The following TET1 variants were observed in gnomAD, a reference collection of about 807,000 sequenced individuals.
TET1 encodes the protein tet methylcytosine dioxygenase 1, also known as methylcytosine dioxygenase TET1.
In TET1, 13 loss-of-function variants were observed where a neutral mutation model predicts 148.7. That is an observed-to-expected ratio of 0.09 (90% confidence interval 0.06 to 0.14). The LOEUF (loss-of-function observed/expected upper bound fraction) is 0.14, where lower values mean the gene tolerates loss of function less well. Ranked by LOEUF, TET1 falls within the 10% of genes least tolerant of loss-of-function variation. The pLI is 1.00. For missense variants in TET1, 2,182 were observed against 2,553.8 expected, an observed-to-expected ratio of 0.85 and a Z score of 3.14; for synonymous variants, 907 against 937.2, an observed-to-expected ratio of 0.97 and a Z score of 0.59.
rs576335885 is a variant in TET1, at chr10:68,608,620, C to G, written c.1968+7586C>G. Among the ~76,000 whole-genome samples the G allele has an allele frequency of 5.3e-5, 8 of 152,134 alleles. No individual in the cohort carries two copies. In the East Asian group the frequency reaches 1.4e-3, roughly 26 times the overall value. ...TGTGATCTTGGCTCACTGCAACCTC[C>G]ACCTCCGGGGTTCAAGTGATTCTCC... is the stretch of plus-strand genomic sequence containing the variant. On this transcript the variant is annotated intron_variant, in intron 3 of 11. Coordinates refer to ENST00000373644, the MANE Select transcript of TET1 (RefSeq NM_030625.3).
intron 10 of TET1, among the ~76,000 whole-genome samples, chr10:68,685,257 AT>A (rs1012048561): frequency 5.9e-5 from 9 of 152,284 alleles, no homozygotes; most frequent in African/African-American, 2.2e-4. Context: ...AAAAAAATGA[AT>A]TTTTTTAACC....
intron 3 of TET1, among the ~76,000 whole-genome samples, chr10:68,611,848 G>A (rs1384184431): frequency 6.9e-6 from 1 of 144,140 alleles, no homozygotes; most frequent in East Asian, 2.0e-4. Context: ...AGGTGGGGGG[G>A]GTGGGGAGAG....
In TET1 at chr10:68,574,331, C is replaced by T; in HGVS notation, c.1914+79C>T. ...ATATGCAGAGACACTTCTAGTGTCTCTAGTGTCTCTATGTAATAGTGAATT... is the reference window on the plus strand; with the variant it reads ...ATATGCAGAGACACTTCTAGTGTCTTTAGTGTCTCTATGTAATAGTGAATT... On this transcript the variant is annotated intron_variant, in intron 2 of 11. Coordinates refer to ENST00000373644, the MANE Select transcript of TET1 (RefSeq NM_030625.3). 3 of 1,107,340 alleles carry T rather than the reference C, an allele frequency of 2.7e-6. 1 individual carries two copies. The highest frequency in any genetic ancestry group is 4.3e-4 in the Middle Eastern group (2 of 4,632). The allele number at this position is 1,107,340 out of a possible 1,614,324, so 68.6% of individuals were successfully genotyped here.
At chr10:68,643,571 A>T (rs928780510) in intron 3 of TET1, among the ~76,000 whole-genome samples, 1 of 152,124 alleles carries the variant, frequency 6.6e-6, no homozygotes, top group Non-Finnish European at 1.5e-5. Context: ...CTGTAATGCC[A>T]GCACTTTGGG....
Position 68,646,771 on chromosome 10 carries a change from G to C in TET1, c.4042G>C (p.Glu1348Gln), listed in dbSNP as rs2054856689. The C allele has an allele frequency of 1.9e-6, 3 of 1,614,156 alleles. No homozygotes were observed. Among genetic ancestry groups the C allele is most frequent in the Non-Finnish European group, 2.5e-6 (3 of 1,180,044 alleles). The change falls in exon 4 of 12, where the codon GAG (glutamate) becomes CAG (glutamine). Residue 1348 changes from glutamate (E) to glutamine (Q), a missense_variant. Glu to Gln is a conservative substitution (Grantham distance 29). Coordinates refer to ENST00000373644, the MANE Select transcript of TET1 (RefSeq NM_030625.3). ...TATCTCTCATGAAACACCCTTACCG[G>C]AGTCAGCACTAACTCTCAGGAATGT... is the stretch of plus-strand genomic sequence containing the variant. ...PGISHETPLP[E>Q]SALTLRNVNV...
intron 2 of TET1, among the ~76,000 whole-genome samples, chr10:68,591,128 T>A (rs867385437): frequency 3.9e-5 from 6 of 152,346 alleles, no homozygotes; most frequent in Admixed American, 3.9e-4. Flanking sequence ...GTGCTGGGAT[T>A]ACAGGCATGA....
intron 3 of TET1, among the ~76,000 whole-genome samples, chr10:68,638,765 TTGTGTGTGTGTGTGTGTG>T (rs59106736): frequency 9.9e-4 from 140 of 140,910 alleles, no homozygotes; most frequent in African/African-American, 3.2e-3. Context: ...TGTATGGAGT[TTGTGTGTGTGTGTGTGTG>T]TGTGTGTGTG....
At position 68,573,009 on chromosome 10, in the gene TET1, G is replaced by T; in HGVS notation, c.671G>T (p.Gly224Val). 6.2e-7 allele frequency: 1 copy of T among 1,614,148 alleles called. No homozygotes were observed. Among genetic ancestry groups the T allele is most frequent in the Non-Finnish European group, 8.5e-7 (1 of 1,180,040 alleles). The stretch of plus-strand genomic sequence containing the variant: ...GGGCCACTGGAAGGGACACGCTGTG[G>T]TGAAGGACTATTCTCTGAAGAGACA... ...LPGPLEGTRCGEGLFSEETLN... is the reference protein window; with the variant it reads ...LPGPLEGTRCVEGLFSEETLN... The change falls in exon 2 of 12, where the codon GGT becomes GTT. Residue 224 changes from glycine (G) to valine (V), a missense_variant. Gly to Val is a moderately radical substitution (Grantham distance 109). This residue lies in a region of TET1 where 665 missense variants were observed against 672.4 expected (regional missense o/e 0.99). Transcript: ENST00000373644.
intron 2 of TET1, among the ~76,000 whole-genome samples, chr10:68,591,712 C>G (rs1008355532): frequency 4.6e-5 from 7 of 152,032 alleles, no homozygotes; most frequent in Non-Finnish European, 7.4e-5. Context: ...AACATCCTGG[C>G]TAACACGGTG....
At chr10:68,593,944 G>GAGAC (rs1398935536) in intron 2 of TET1, among the ~76,000 whole-genome samples, 2 of 5,802 alleles carry the variant, frequency 3.4e-4, no homozygotes, top group Non-Finnish European at 8.6e-4. Context: ...TTTTTTTTTT[G>GAGAC]AGACAGAGTC....
rs201755303 is a variant in TET1 at position 68,626,261 on chromosome 10, T to TTTTGA, written c.1969-18433_1969-18432insATTTG. On this transcript the variant is annotated intron_variant, in intron 3 of 11. Coordinates refer to ENST00000373644, the MANE Select transcript of TET1 (RefSeq NM_030625.3). ...TCTTTACTCGTTTTTTTATTTTTTG[T>TTTTGA]TTTGTTTTGTTTTGTTTTGTTTGGA... Among the ~76,000 whole-genome samples the TTTTGA allele has an allele frequency of 4.4e-3, 670 of 151,586 alleles. 2 individuals carry two copies. Among genetic ancestry groups the TTTTGA allele is most frequent in the African/African-American group, 0.016 (641 of 41,274 alleles).
At chr10:68,660,368 T>G (rs1424729355) in intron 6 of TET1, among the ~76,000 whole-genome samples, 1 of 151,260 alleles carries the variant, frequency 6.6e-6, no homozygotes, top group Non-Finnish European at 1.5e-5. Context: ...AGATGGAATT[T>G]CACTCTTGTT....
chr10:68,618,192 A>G (rs1472982230), intron 3 of TET1, among the ~76,000 whole-genome samples: 2 of 152,186 alleles, frequency 1.3e-5, no homozygotes, highest in Non-Finnish European at 1.5e-5. Flanking sequence ...CACTCCACTC[A>G]TGAAATCTAG....
At chr10:68,636,534 A>T (rs1415331194) in intron 3 of TET1, among the ~76,000 whole-genome samples, 1 of 152,230 alleles carries the variant, frequency 6.6e-6, no homozygotes, top group Admixed American at 6.5e-5. Flanking sequence ...TAGCCTGGGC[A>T]ACAGAGTGAG....
At chr10:68,594,732 A>G (rs2053958343) in intron 2 of TET1, among the ~76,000 whole-genome samples, 1 of 152,120 alleles carries the variant, frequency 6.6e-6, no homozygotes, top group African/African-American at 2.4e-5. Context: ...TACTCCCTGC[A>G]CTTTGGGAGG....
chr10:68,636,986 T>TGTGTGTGC, intron 3 of TET1, among the ~76,000 whole-genome samples: 1 of 100,980 alleles, frequency 9.9e-6, no homozygotes, highest in Non-Finnish European at 2.2e-5. Context: ...ACTCGTTGTG[T>TGTGTGTGC]GTGTGTGTGT....
At chr10:68,661,635 C>G (rs1024012315) in intron 6 of TET1, among the ~76,000 whole-genome samples, 5 of 151,794 alleles carry the variant, frequency 3.3e-5, no homozygotes, top group African/African-American at 4.8e-5. Context: ...AGGCACTCAC[C>G]ACCATGCCAG....
intron 3 of TET1, among the ~76,000 whole-genome samples, chr10:68,625,571 A>G (rs2054465638): frequency 6.6e-6 from 1 of 152,214 alleles, no homozygotes; most frequent in African/African-American, 2.4e-5. Context: ...CAGTGTTCAC[A>G]TATCAGGAAA....
intron 2 of TET1, among the ~76,000 whole-genome samples, chr10:68,581,737 C>T (rs976354281): frequency 1.3e-5 from 2 of 151,558 alleles, no homozygotes; most frequent in Non-Finnish European, 2.9e-5. Flanking sequence ...ACCAGCTTCT[C>T]GGGAGGCTGA....
Sources: allele counts gnomAD v4.1 joint callset (sites outside exome capture counted in the v4.1 genomes callset), GRCh38; gene constraint gnomAD v4.1.1; regional missense constraint gnomAD v4.1.1; transcripts MANE v1.5; gene names NCBI Gene and HGNC (gene_info 2026-07-23, HGNC 2026-07-21).